The following UROC1 variants were observed in gnomAD, a reference collection of about 807,000 sequenced individuals.
The protein encoded by UROC1 is urocanate hydratase.
A neutral mutation model predicts 89.5 loss-of-function variants in UROC1; 79 were observed. That is an observed-to-expected ratio of 0.88 (90% CI 0.74 to 1.06). The LOEUF (loss-of-function observed/expected upper bound fraction) is 1.06, where lower values mean the gene tolerates loss of function less well. UROC1 is among the 50% of genes least tolerant of loss of function. The pLI, the probability that UROC1 is intolerant of heterozygous loss-of-function variation, is 0.00. For synonymous variants in UROC1, 361 were observed against 354.8 expected (o/e 1.02, Z -0.20); for missense variants, 885 against 907.8 (o/e 0.97, Z 0.32).
intron 1 of UROC1, among the ~76,000 whole-genome samples, chr3:126,512,992 A>G (rs552568156): frequency 6.6e-6 from 1 of 152,352 alleles, no homozygotes; most frequent in Admixed American, 6.5e-5. Flanking sequence ...ATTACAGCAG[A>G]CATGGGAAGC....
chr3:126,498,066 C>T lies in UROC1; in HGVS notation c.1423G>A (p.Ala475Thr), dbSNP rs141251835. ...DELATSVLEEAIADGVKVSVK... is the reference protein window; with the variant it reads ...DELATSVLEETIADGVKVSVK... ...ATGGCGTCACCTCCATCAGCAATGG[C>T]TTCCTCCAGCACAGATGTGGCCAGT... Residue 475 changes from alanine (A) to threonine (T), a missense_variant, in exon 14 of 20, where the codon GCC (alanine) becomes ACC (threonine). Physicochemically the swap from Ala to Thr is moderately conservative, Grantham distance 58 (BLOSUM62 0). Transcript: ENST00000290868. 1.0e-4 allele frequency: 166 copies of T among 1,614,032 alleles called. No homozygotes were observed. The African/African-American group carries it at 2.2e-3, about 21-fold the overall frequency.
intron 9 of UROC1, chr3:126,501,865 A>G: frequency 6.3e-7 from 1 of 1,599,486 alleles, no homozygotes; most frequent in Non-Finnish European, 8.5e-7. Flanking sequence ...TGCAAGGTTG[A>G]CAAAGCAGGA....
chr3:126,510,586 T>C (rs1243541910), intron 2 of UROC1, 78 bp downstream of exon 2: 3 of 1,588,274 alleles, frequency 1.9e-6, no homozygotes, highest in Non-Finnish European at 2.6e-6. Context: ...TCCCTCCTTG[T>C]TCCTGGCCCC....
intron 3 of UROC1, 98 bp from the exon 4 acceptor site, chr3:126,508,573 T>C: frequency 1.0e-6 from 1 of 972,076 alleles, no homozygotes; most frequent in Non-Finnish European, 1.6e-6. Flanking sequence ...GGGGGCCCAA[T>C]GGGACAAGGA....
Position 126,482,335 on chromosome 3 carries a change from C to T in UROC1, c.*10G>A. 3 of 1,611,716 alleles carry T rather than the reference C, an allele frequency of 1.9e-6. No homozygotes were observed. Among genetic ancestry groups the T allele is most frequent in the South Asian group, 2.2e-5 (2 of 91,014 alleles). On this transcript the variant is annotated 3_prime_UTR_variant, in exon 20 of 20. Transcript: ENST00000290868. ...AGGAAGGGAGGCAGGGGCCGCGACT[C>T]CTGGCTCCCTCAGAGCTGCAGGGCC...
chr3:126,498,566 C>G (rs1000322733), intron 13 of UROC1, among the ~76,000 whole-genome samples: 2 of 152,040 alleles, frequency 1.3e-5, no homozygotes, highest in Admixed American at 1.3e-4. Flanking sequence ...GAGCCAGGCT[C>G]CAGGACAGGG....
intron 1 of UROC1, among the ~76,000 whole-genome samples, chr3:126,513,459 G>C (rs1035422429): frequency 1.3e-5 from 2 of 152,000 alleles, no homozygotes; most frequent in Non-Finnish European, 2.9e-5. Flanking sequence ...GGTGCGGACA[G>C]CGCTCTGGGT....
intron 19 of UROC1, 125 bp from the exon 20 acceptor site, chr3:126,482,610 C>T: frequency 7.1e-7 from 1 of 1,411,912 alleles, no homozygotes; most frequent in East Asian, 2.4e-5. Flanking sequence ...GACAGCTGCC[C>T]TTTTGTGTCT....
intron 15 of UROC1, among the ~76,000 whole-genome samples, chr3:126,494,251 G>T (rs1935723356): frequency 6.6e-6 from 1 of 152,180 alleles, no homozygotes. Flanking sequence ...ATCTCCAGGG[G>T]ACTTTAAGTC....
intron 16 of UROC1, 67 bp from the exon 17 acceptor site, chr3:126,489,442 G>T: frequency 7.5e-7 from 1 of 1,340,748 alleles, no homozygotes; most frequent in Non-Finnish European, 1.1e-6. Context: ...AAAGACTGAG[G>T]ACAAGGGGCA....
intron 6 of UROC1, 89 bp from the exon 7 acceptor site, chr3:126,506,100 A>G: frequency 7.2e-7 from 1 of 1,383,310 alleles, no homozygotes; most frequent in Admixed American, 1.7e-5. Context: ...GTTGAAAATT[A>G]GTATTTAACT....
In UROC1 at chr3:126,489,311, G is replaced by T. The variant is rs756944014; in HGVS notation, c.1673C>A (p.Thr558Asn). 1.2e-6 allele frequency: 2 copies of T among 1,613,722 alleles called. No homozygotes were observed. Among genetic ancestry groups the T allele is most frequent in the East Asian group, 4.5e-5 (2 of 44,898 alleles). Residue 558 changes from threonine to asparagine, a missense_variant, in exon 17 of 20, where the codon ACC becomes AAC. Thr to Asn is a moderately conservative substitution (Grantham distance 65). Transcript: ENST00000290868. ...GGCAGAGCCGTCGTAAATGTTGGAGGTCTCCCTAAAGGGGCTGTCGGTGCC... is the reference window on the plus strand; with the variant it reads ...GGCAGAGCCGTCGTAAATGTTGGAGTTCTCCCTAAAGGGGCTGTCGGTGCC... Reference protein sequence around the residue: ...VSGTDSPFRETSNIYDGSAFC... With the variant: ...VSGTDSPFRENSNIYDGSAFC...
In UROC1 at chr3:126,505,781, C is replaced by T; in HGVS notation, c.733G>A (p.Val245Ile). 6.2e-7 allele frequency: 1 copy of T among 1,613,960 alleles called. No homozygotes were observed. The highest frequency in any genetic ancestry group is 8.5e-7 in the Non-Finnish European group (1 of 1,180,028). ...CTCATTCCGCCGAGCCCAGAGGTGA[C>T]AAAGACCTTCCCAGCCAAGTCCTCG... ...GIEDLAGKVF[V>I]TSGLGGMSGA... Residue 245 changes from valine to isoleucine, a missense_variant, in exon 8 of 20, where the codon GTC (valine) becomes ATC (isoleucine). By Grantham distance (29) the Val-to-Ile change is conservative (BLOSUM62 3). Transcript: ENST00000290868.
chr3:126,505,898 C>A (rs1189758308), intron 7 of UROC1, 47 bp downstream of exon 7: 2 of 1,611,694 alleles, frequency 1.2e-6, no homozygotes, highest in Admixed American at 1.7e-5. Context: ...GCCCCCTCCA[C>A]CCCCCATGCT....
intron 13 of UROC1, 141 bp from the exon 14 acceptor site, chr3:126,498,313 C>T (rs73862716): frequency 0.044 from 63,040 of 1,417,734 alleles, 2,149 homozygotes; most frequent in African/African-American, 0.16. Flanking sequence ...ACAGAAAGTT[C>T]CAGGGGCCTC....
chr3:126,511,559 G>T (rs1215475525), intron 1 of UROC1, among the ~76,000 whole-genome samples: 1 of 152,220 alleles, frequency 6.6e-6, no homozygotes, highest in Non-Finnish European at 1.5e-5. Context: ...TTCATAATCA[G>T]TTGTGTCAAA....
At position 126,486,220 on chromosome 3, in the gene UROC1, G is replaced by A. The variant is rs1023413833; in HGVS notation, c.1790+1978C>T. Among the ~76,000 whole-genome samples, 5 of 152,376 alleles carry A rather than the reference G, an allele frequency of 3.3e-5. No individual in the cohort carries two copies. In the South Asian group the frequency reaches 6.2e-4, roughly 19 times the overall value. On this transcript the variant is annotated intron_variant, in intron 18 of 19. Transcript: ENST00000290868. ...CCCACCTGCTGCCTAGAGGCTGCCC[G>A]AGTGGGCCCTCGGTGGCCACTGGAA... is the stretch of plus-strand genomic sequence containing the variant.
intron 9 of UROC1, among the ~76,000 whole-genome samples, chr3:126,503,017 G>A (rs1002052171): frequency 2.0e-5 from 3 of 151,972 alleles, no homozygotes; most frequent in African/African-American, 7.3e-5. Flanking sequence ...TGTTGTGTGT[G>A]TTTATGTGTG....
intron 1 of UROC1, among the ~76,000 whole-genome samples, chr3:126,514,976 G>A (rs775664851): frequency 1.1e-4 from 16 of 151,988 alleles, no homozygotes; most frequent in Non-Finnish European, 1.9e-4. Flanking sequence ...ACATTTAATA[G>A]AAAATAGAAG....
Sources: allele counts gnomAD v4.1 joint callset (sites outside exome capture counted in the v4.1 genomes callset), GRCh38; gene constraint gnomAD v4.1.1; transcripts MANE v1.5; gene names NCBI Gene and HGNC (gene_info 2026-07-23, HGNC 2026-07-21).